The following PRKN variants were observed in gnomAD, a reference collection of about 807,000 sequenced individuals.
PRKN encodes E3 ubiquitin-protein ligase parkin.
Under a neutral mutation model 59.5 loss-of-function variants are expected in PRKN, and 56 were observed. The observed-to-expected ratio is 0.94, with a 90% CI of 0.76 to 1.18. The LOEUF (loss-of-function observed/expected upper bound fraction) is 1.18. PRKN is among the 50% of genes most tolerant of loss of function. PRKN has a pLI of 0.00. For missense variants in PRKN, 657 were observed against 596.4 expected, an observed-to-expected ratio of 1.10 and a Z score of -1.06; for synonymous variants, 250 against 222.1, an observed-to-expected ratio of 1.13 and a Z score of -1.12.
intron 1 of PRKN, among the ~76,000 whole-genome samples, chr6:162,683,113 ATTTTT>A (rs906399409): frequency 2.0e-5 from 3 of 152,176 alleles, no homozygotes; most frequent in African/African-American, 7.2e-5. Flanking sequence ...AACAGCTGCT[ATTTTT>A]AATAAGAGAG....
At position 161,390,721 on chromosome 6, in the gene PRKN, T is replaced by C. The variant is rs542533613; in HGVS notation, c.1084-3844A>G. 6.6e-6 allele frequency among the ~76,000 whole-genome samples: 1 copy of C among 152,126 alleles called. No individual in the cohort carries two copies. Among genetic ancestry groups the C allele is most frequent in the Non-Finnish European group, 1.5e-5 (1 of 68,036 alleles). On this transcript the variant is annotated intron_variant, in intron 9 of 11. Coordinates refer to ENST00000366898, the MANE Select transcript of PRKN (RefSeq NM_004562.3). The surrounding 1 kb of genome is among the most constrained non-coding windows in gnomAD (Gnocchi z 7.0). Reference sequence around the variant, plus strand: ...TCAGGCTGGTCTTGAACTCCTGACCTCAGGTGATCCACCCGCCTCGGCCTC... The same window carrying C: ...TCAGGCTGGTCTTGAACTCCTGACCCCAGGTGATCCACCCGCCTCGGCCTC...
chr6:161,453,709 C>T (rs1014970009), intron 9 of PRKN, among the ~76,000 whole-genome samples: 3 of 149,064 alleles, frequency 2.0e-5, no homozygotes, highest in South Asian at 2.2e-4. Context: ...GCACAACGGT[C>T]GGTCCATCCC....
Position 161,457,026 on chromosome 6 carries a change from G to A in PRKN, c.1084-70149C>T, listed in dbSNP as rs551952927. Among the ~76,000 whole-genome samples the A allele has an allele frequency of 5.3e-5, 8 of 152,316 alleles. No homozygotes were observed. The highest frequency in any genetic ancestry group is 1.2e-4 in the Non-Finnish European group (8 of 68,024). ...AGGACCTGGGTTTGGGCGTGGAAGG[G>A]CGGTGTGAGAGCAAGGCTGAATAGT... On this transcript the variant is annotated intron_variant, in intron 9 of 11. Transcript: ENST00000366898. The surrounding 1 kb of genome is among the most constrained non-coding windows in gnomAD (Gnocchi z 5.0).
At chr6:162,410,293 C>T (rs1157059990) in intron 2 of PRKN, among the ~76,000 whole-genome samples, 1 of 152,028 alleles carries the variant, frequency 6.6e-6, no homozygotes, top group Non-Finnish European at 1.5e-5. Flanking sequence ...GGAAGAGATC[C>T]TCAGTTCCCC....
At position 162,477,276 on chromosome 6, in the gene PRKN, T is replaced by C. The variant is rs73785510; in HGVS notation, c.8-33803A>G. On this transcript the variant is annotated intron_variant, in intron 1 of 11. Coordinates refer to ENST00000366898, the MANE Select transcript of PRKN (RefSeq NM_004562.3). ...CCTGGTAGGTACCAGGAAATTATCA[T>C]CTCTCAGGTTTCAAATAAAGCAGGT... is the stretch of plus-strand genomic sequence containing the variant. 3.2e-3 allele frequency among the ~76,000 whole-genome samples: 492 copies of C among 152,224 alleles called. 1 individual carries two copies. The highest frequency in any genetic ancestry group is 0.011 in the African/African-American group (472 of 41,522).
chr6:162,387,612 T>G (rs1583483270), intron 2 of PRKN, among the ~76,000 whole-genome samples: 1 of 131,766 alleles, frequency 7.6e-6, no homozygotes, highest in East Asian at 2.2e-4. Context: ...AGAGAGAAAT[T>G]TTCCACTTGT....
At chr6:162,448,230 T>C (rs1289214832) in intron 1 of PRKN, among the ~76,000 whole-genome samples, 2 of 152,106 alleles carry the variant, frequency 1.3e-5, no homozygotes, top group South Asian at 2.1e-4. Context: ...TGTTTCCAAA[T>C]GTCCCTTGCC....
chr6:161,897,933 C>T (rs960594150), intron 6 of PRKN, among the ~76,000 whole-genome samples: 5 of 107,938 alleles, frequency 4.6e-5, no homozygotes, highest in Admixed American at 2.7e-4. Flanking sequence ...CGCCACTGCA[C>T]TCCAGCCTGG....
intron 1 of PRKN, among the ~76,000 whole-genome samples, chr6:162,681,069 G>A (rs944519647): frequency 7.5e-6 from 1 of 133,712 alleles, no homozygotes; most frequent in Non-Finnish European, 1.8e-5. Context: ...ACTTTCACAC[G>A]TGTTTTTGAA....
At chr6:162,092,784 T>C (rs924169892) in intron 4 of PRKN, among the ~76,000 whole-genome samples, 1 of 152,222 alleles carries the variant, frequency 6.6e-6, no homozygotes, top group Non-Finnish European at 1.5e-5. Flanking sequence ...AACATGTTTA[T>C]GGGTTCTTTT....
intron 6 of PRKN, among the ~76,000 whole-genome samples, chr6:161,867,692 T>C (rs1170553605): frequency 6.6e-6 from 1 of 152,108 alleles, no homozygotes; most frequent in Admixed American, 6.5e-5. Flanking sequence ...AACTGGGTTT[T>C]ATTCTAACTT....
Position 161,409,049 on chromosome 6 carries a change from G to T in PRKN, c.1084-22172C>A, listed in dbSNP as rs1387970770. Among the ~76,000 whole-genome samples, 1 of 152,050 alleles carries T rather than the reference G, an allele frequency of 6.6e-6. No homozygotes were observed. The highest frequency in any genetic ancestry group is 2.4e-5 in the African/African-American group (1 of 41,376). Reference sequence around the variant, plus strand: ...CAACCTCTGCCTCCTGGGTTCAAGCGATTCTCCTGCCTCAGCCTCCCAAGT... The same window carrying T: ...CAACCTCTGCCTCCTGGGTTCAAGCTATTCTCCTGCCTCAGCCTCCCAAGT... On this transcript the variant is annotated intron_variant, in intron 9 of 11. Transcript: ENST00000366898. This position sits in a 1 kb window ranked among gnomAD's most constrained non-coding sequence, Gnocchi z 4.6.
chr6:162,119,585 C>T (rs1322408028), intron 4 of PRKN, among the ~76,000 whole-genome samples: 1 of 152,128 alleles, frequency 6.6e-6, no homozygotes, highest in Non-Finnish European at 1.5e-5. Flanking sequence ...CACATGAGCT[C>T]AAGTTCCCCA....
intron 1 of PRKN, among the ~76,000 whole-genome samples, chr6:162,552,182 C>A (rs7746152): frequency 6.6e-6 from 1 of 152,060 alleles, no homozygotes; most frequent in East Asian, 1.9e-4. Flanking sequence ...GGTGACTAGG[C>A]GTTGGTGGCC....
Position 161,685,480 on chromosome 6 carries a change from A to C in PRKN, c.871+100292T>G, listed in dbSNP as rs1366051648. Among the ~76,000 whole-genome samples the C allele has an allele frequency of 3.9e-5, 6 of 152,234 alleles. No individual in the cohort carries two copies. In the East Asian group the frequency reaches 1.2e-3, roughly 29 times the overall value. The stretch of plus-strand genomic sequence containing the variant: ...CTGGCTAAGCCCTTTTCAGACATCT[A>C]ACAGGTCATGAGTATGTGATTATCA... On this transcript the variant is annotated intron_variant, in intron 7 of 11. Coordinates refer to ENST00000366898, the MANE Select transcript of PRKN (RefSeq NM_004562.3).
intron 9 of PRKN, among the ~76,000 whole-genome samples, chr6:161,496,885 C>G (rs1777771020): frequency 6.6e-6 from 1 of 152,178 alleles, no homozygotes; most frequent in African/African-American, 2.4e-5. Context: ...CCAGAAGATG[C>G]AAGGAGGGAT....
At position 161,448,617 on chromosome 6, in the gene PRKN, A is replaced by G. The variant is rs1305517088; in HGVS notation, c.1084-61740T>C. On this transcript the variant is annotated intron_variant, in intron 9 of 11. Coordinates refer to ENST00000366898, the MANE Select transcript of PRKN (RefSeq NM_004562.3). This position sits in a 1 kb window ranked among gnomAD's most constrained non-coding sequence, Gnocchi z 5.1. Reference sequence around the variant, plus strand: ...GTAGCATCTATGCTGACGTTCCCGTATATCTTTTCCATCCAAATATTTGCA... The same window carrying G: ...GTAGCATCTATGCTGACGTTCCCGTGTATCTTTTCCATCCAAATATTTGCA... Among the ~76,000 whole-genome samples the G allele has an allele frequency of 2.0e-5, 3 of 152,134 alleles. No individual in the cohort carries two copies. The highest frequency in any genetic ancestry group is 2.9e-5 in the Non-Finnish European group (2 of 68,036).
At chr6:161,731,700 C>T (rs1339087698) in intron 7 of PRKN, among the ~76,000 whole-genome samples, 1 of 152,084 alleles carries the variant, frequency 6.6e-6, no homozygotes, top group Non-Finnish European at 1.5e-5. Flanking sequence ...AGAAATTAAA[C>T]TCTATAAAGA....
intron 4 of PRKN, among the ~76,000 whole-genome samples, chr6:162,088,939 G>A (rs1378411847): frequency 6.6e-6 from 1 of 152,146 alleles, no homozygotes; most frequent in Non-Finnish European, 1.5e-5. Context: ...TAATGCAAGG[G>A]ATACAACTAT....
Sources: gnomAD v4.1 joint callset for allele counts (sites outside exome capture counted in the v4.1 genomes callset) on GRCh38, gnomAD v4.1.1 for gene constraint, Gnocchi (gnomAD v3.1) non-coding constraint, MANE v1.5 for transcripts, NCBI Gene and HGNC (gene_info 2026-07-23, HGNC 2026-07-21) for gene names.